Variants in LRRCC1 observed in about 807,000 individuals in gnomAD.
The protein encoded by LRRCC1 is leucine-rich repeat and coiled-coil domain-containing protein 1.
Under a neutral mutation model 126.0 loss-of-function variants are expected in LRRCC1, and 115 were observed. The observed-to-expected ratio is 0.91, with a 90% CI of 0.78 to 1.07. The LOEUF (loss-of-function observed/expected upper bound fraction) is 1.07, where lower values mean the gene tolerates loss of function less well. Ranked by LOEUF, LRRCC1 falls within the 50% of genes least tolerant of loss-of-function variation. The pLI is 0.00. For synonymous variants in LRRCC1, 400 were observed against 393.4 expected (o/e 1.02, Z -0.20); for missense variants, 1,172 against 1,175.7 (o/e 1.00, Z 0.05).
chr8:85,139,152 A>G (rs536392684), intron 17 of LRRCC1, among the ~76,000 whole-genome samples: 20 of 152,328 alleles, frequency 1.3e-4, no homozygotes, highest in Admixed American at 4.6e-4. Flanking sequence ...TAGTTGTTGA[A>G]AGTGGAATTT....
At chr8:85,145,238 T>C (rs889327015) in intron 18 of LRRCC1, 151 bp from the exon 19 acceptor site, 4 of 541,070 alleles carry the variant, frequency 7.4e-6, no homozygotes, top group African/African-American at 5.9e-5. Context: ...CTATTAGCAT[T>C]TGAGCAAGTT....
intron 3 of LRRCC1, among the ~76,000 whole-genome samples, chr8:85,112,435 A>G (rs1051786698): frequency 6.6e-6 from 1 of 152,202 alleles, no homozygotes; most frequent in African/African-American, 2.4e-5. Context: ...GCTGAAGTCC[A>G]AGGTGGGCCA....
intron 18 of LRRCC1, among the ~76,000 whole-genome samples, chr8:85,142,589 G>A (rs1019118397): frequency 2.0e-4 from 30 of 151,956 alleles, no homozygotes; most frequent in Admixed American, 5.2e-4. Flanking sequence ...TAATCCCAGC[G>A]GAGGCCGAGG....
chr8:85,137,365 GTTTT>G, intron 14 of LRRCC1, 95 bp from the exon 15 acceptor site: 3 of 715,316 alleles, frequency 4.2e-6, no homozygotes, highest in South Asian at 4.1e-5. Flanking sequence ...TCTTTATTTA[GTTTT>G]TTTATTATTA....
intron 6 of LRRCC1, among the ~76,000 whole-genome samples, chr8:85,118,283 T>C (rs1251400710): frequency 6.6e-6 from 1 of 152,096 alleles, no homozygotes; most frequent in East Asian, 1.9e-4. Context: ...GTTGAAGGTT[T>C]TAACCTAGCT....
intron 4 of LRRCC1, among the ~76,000 whole-genome samples, chr8:85,113,540 G>T (rs945840602): frequency 1.3e-5 from 2 of 151,768 alleles, no homozygotes; most frequent in African/African-American, 2.4e-5. Context: ...AAACATTTAC[G>T]TACATACATA....
At chr8:85,117,707 A>G (rs1270991810) in intron 6 of LRRCC1, among the ~76,000 whole-genome samples, 1 of 152,114 alleles carries the variant, frequency 6.6e-6, no homozygotes, top group Admixed American at 6.5e-5. Flanking sequence ...AGCAAACTTG[A>G]AAGAATTTCT....
chr8:85,137,577 A>G lies in LRRCC1; in HGVS notation c.2443A>G (p.Lys815Glu). ...AAGTGATAGTGATGCATTAAGAATAAAGTGCAAAATCATAGACGACCAAAC... is the reference window on the plus strand; with the variant it reads ...AAGTGATAGTGATGCATTAAGAATAGAGTGCAAAATCATAGACGACCAAAC... ...NESDSDALRI[K>E]CKIIDDQTET... The change falls in exon 15 of 19, where the codon AAG (lysine) becomes GAG (glutamate). Residue 815 changes from lysine (K) to glutamate (E), a missense_variant. Physicochemically the swap from Lys to Glu is moderately conservative, Grantham distance 56 (BLOSUM62 1). Transcript: ENST00000360375. 6.6e-7 allele frequency: 1 copy of G among 1,521,960 alleles called. No individual in the cohort carries two copies. The highest frequency in any genetic ancestry group is 8.8e-7 in the Non-Finnish European group (1 of 1,138,976). 94.3% of individuals were successfully genotyped at this position (1,521,960 alleles called of 1,614,324 possible).
intron 9 of LRRCC1, among the ~76,000 whole-genome samples, chr8:85,128,426 C>G (rs1434674481): frequency 7.9e-6 from 1 of 126,580 alleles, no homozygotes; most frequent in Non-Finnish European, 1.6e-5. Context: ...GCCACCCCCC[C>G]ACCCCCCCCA....
At chr8:85,123,076 A>T (rs1037086180) in intron 6 of LRRCC1, among the ~76,000 whole-genome samples, 2 of 152,186 alleles carry the variant, frequency 1.3e-5, no homozygotes, top group South Asian at 2.1e-4. Flanking sequence ...GCTAAAAACC[A>T]TAAAAAAACA....
intron 6 of LRRCC1, among the ~76,000 whole-genome samples, chr8:85,117,554 A>G (rs375973563): frequency 6.6e-6 from 1 of 152,218 alleles, no homozygotes; most frequent in Non-Finnish European, 1.5e-5. Context: ...CTGTACTATA[A>G]TAAAGACATT....
rs1244780993 is a variant in LRRCC1, at chr8:85,115,477, T to A, written c.823T>A (p.Ser275Thr). 1 of 1,613,638 alleles carries A rather than the reference T, an allele frequency of 6.2e-7. No homozygotes were observed. The highest frequency in any genetic ancestry group is 1.1e-5 in the South Asian group (1 of 91,068). Residue 275 changes from serine to threonine, a missense_variant, in exon 6 of 19, where the codon TCT (serine) becomes ACT (threonine). Coordinates refer to ENST00000360375, the MANE Select transcript of LRRCC1 (RefSeq NM_033402.5). ...PSDAVLTSFM[S>T]VCQSSEPEKN... ...TGATGCTGTGTTGACGTCTTTTATG[T>A]CTGTGTGTCAATCTTCTGAGCCAGA... is the stretch of plus-strand genomic sequence containing the variant.
At chr8:85,115,777 C>A (rs1809072299) in intron 6 of LRRCC1, among the ~76,000 whole-genome samples, 193 bp downstream of exon 6, 1 of 151,936 alleles carries the variant, frequency 6.6e-6, no homozygotes, top group Non-Finnish European at 1.5e-5. Flanking sequence ...AAATTTTTCA[C>A]TCACTTTACT....
intron 8 of LRRCC1, 44 bp downstream of exon 8, chr8:85,124,983 A>G (rs2135954853): frequency 7.1e-7 from 1 of 1,402,006 alleles, no homozygotes; most frequent in South Asian, 1.4e-5. Context: ...GAATAATTTT[A>G]AATACAGAGT....
rs776344987 is a variant in LRRCC1 at position 85,124,993 on chromosome 8, T to G, written c.1272+54T>G. 16 of 1,324,414 alleles carry G rather than the reference T, an allele frequency of 1.2e-5. No individual in the cohort carries two copies. In the Admixed American group the frequency reaches 2.4e-4, roughly 20 times the overall value. The allele number at this position is 1,324,414 out of a possible 1,614,324, so 82.0% of individuals were successfully genotyped here. A position where few individuals can be genotyped will look rare whatever the true frequency, so the allele number is the denominator to read the frequency against. On this transcript the variant is annotated intron_variant, in intron 8 of 18. Transcript: ENST00000360375. ...AGTATGAATAATTTTAAATACAGAG[T>G]CCCAGAAAAATTATGCATGCTTTTA...
chr8:85,120,236 G>C (rs764081520), intron 6 of LRRCC1, among the ~76,000 whole-genome samples: 2 of 151,964 alleles, frequency 1.3e-5, no homozygotes, highest in Non-Finnish European at 2.9e-5. Flanking sequence ...AGTATTTTCA[G>C]GTGAACCATG....
At chr8:85,141,595 TAAAGA>T in intron 18 of LRRCC1, 78 bp downstream of exon 18, 2 of 1,153,854 alleles carry the variant, frequency 1.7e-6, no homozygotes, top group Non-Finnish European at 2.4e-6. Flanking sequence ...TCGAGAATTA[TAAAGA>T]GAAAAGGCAA....
At chr8:85,120,311 TG>T (rs1333519849) in intron 6 of LRRCC1, among the ~76,000 whole-genome samples, 1 of 152,120 alleles carries the variant, frequency 6.6e-6, no homozygotes, top group South Asian at 2.1e-4. Context: ...TTTGTAGAGG[TG>T]GGGGGGTTGA....
intron 15 of LRRCC1, 119 bp downstream of exon 15, chr8:85,137,746 A>G (rs1420431549): frequency 7.3e-6 from 5 of 684,154 alleles, no homozygotes; most frequent in Admixed American, 3.3e-5. Flanking sequence ...TGGGGTAGAT[A>G]TCATGCATTT....
Sources: gnomAD v4.1 joint callset for allele counts (sites outside exome capture counted in the v4.1 genomes callset) on GRCh38, gnomAD v4.1.1 for gene constraint, MANE v1.5 for transcripts, NCBI Gene and HGNC (gene_info 2026-07-23, HGNC 2026-07-21) for gene names.